Variants in FHIT observed in about 807,000 individuals in gnomAD.
The protein encoded by FHIT is fragile histidine triad diadenosine triphosphatase.
FHIT carries 19 observed loss-of-function variants against 17.9 expected under a neutral mutation model. The observed-to-expected ratio is 1.06, with a 90% confidence interval of 0.74 to 1.56. The LOEUF (loss-of-function observed/expected upper bound fraction) is 1.56. Ranked by LOEUF, FHIT falls within the 40% of genes most tolerant of loss-of-function variation. The pLI is 0.00. For synonymous variants in FHIT, 81 were observed against 69.7 expected, an observed-to-expected ratio of 1.16 and a Z score of -0.81; for missense variants, 248 against 189.2, an observed-to-expected ratio of 1.31 and a Z score of -1.82.
chr3:60,077,811 C>A (rs1703099298), intron 5 of FHIT, among the ~76,000 whole-genome samples: 1 of 150,406 alleles, frequency 6.6e-6, no homozygotes, highest in South Asian at 2.1e-4. Flanking sequence ...ATGATGACTA[C>A]AGTCAATAAA....
chr3:59,906,647 T>C (rs1052286035), intron 8 of FHIT, among the ~76,000 whole-genome samples: 2 of 152,244 alleles, frequency 1.3e-5, no homozygotes, highest in African/African-American at 4.8e-5. Flanking sequence ...ATTGTTTTCG[T>C]ATCTGATTAA....
intron 4 of FHIT, among the ~76,000 whole-genome samples, chr3:60,608,726 C>G (rs1174968215): frequency 1.3e-5 from 2 of 151,800 alleles, no homozygotes; most frequent in Admixed American, 6.6e-5. Context: ...ATAATAAATA[C>G]AAAAGAAAAA....
At chr3:60,025,337 T>A (rs1196812729) in intron 5 of FHIT, among the ~76,000 whole-genome samples, 1 of 152,182 alleles carries the variant, frequency 6.6e-6, no homozygotes, top group African/African-American at 2.4e-5. Flanking sequence ...AATTCTTAAA[T>A]AGTCTCCTGA....
chr3:60,534,382 G>A (rs920245103), intron 5 of FHIT, among the ~76,000 whole-genome samples: 1 of 136,964 alleles, frequency 7.3e-6, no homozygotes, highest in Non-Finnish European at 1.5e-5. Flanking sequence ...GCAGTGAGCC[G>A]AGATTGCGCC....
chr3:60,582,947 G>C lies in FHIT; in HGVS notation c.-17-45968C>G, dbSNP rs1371450131. The stretch of plus-strand genomic sequence containing the variant: ...CATATCAAAAAAGTAGCTGAGCTAG[G>C]ACTTGAACCCTATCTGCCTGACTTC... On this transcript the variant is annotated intron_variant, in intron 4 of 9. Coordinates refer to ENST00000492590, the MANE Select transcript of FHIT (RefSeq NM_002012.4). Among the ~76,000 whole-genome samples the C allele has an allele frequency of 4.6e-5, 7 of 151,880 alleles. No individual in the cohort carries two copies. The East Asian group carries it at 1.4e-3, about 30-fold the overall frequency.
chr3:59,988,409 T>A (rs1202783928), intron 7 of FHIT, among the ~76,000 whole-genome samples: 3 of 152,124 alleles, frequency 2.0e-5, no homozygotes, highest in African/African-American at 7.2e-5. Context: ...CATGATCGAA[T>A]AAAGCAAAAT....
At chr3:60,050,465 T>C (rs1283670188) in intron 5 of FHIT, among the ~76,000 whole-genome samples, 1 of 152,162 alleles carries the variant, frequency 6.6e-6, no homozygotes, top group Non-Finnish European at 1.5e-5. Context: ...GTTGCCAACA[T>C]CCTAGGCTTA....
chr3:60,248,712 G>A (rs1160721168), intron 5 of FHIT, among the ~76,000 whole-genome samples: 1 of 152,098 alleles, frequency 6.6e-6, no homozygotes, highest in Non-Finnish European at 1.5e-5. Context: ...AAGGGTGGCA[G>A]AATATGCCAC....
At chr3:60,047,515 G>A (rs1701701542) in intron 5 of FHIT, among the ~76,000 whole-genome samples, 1 of 152,184 alleles carries the variant, frequency 6.6e-6, no homozygotes, top group Non-Finnish European at 1.5e-5. Flanking sequence ...CCAGACAACA[G>A]TCTTTAACGT....
chr3:60,299,191 A>ATTATTT (rs1708343404), intron 5 of FHIT, among the ~76,000 whole-genome samples: 1 of 152,066 alleles, frequency 6.6e-6, no homozygotes, highest in African/African-American at 2.4e-5. Flanking sequence ...GTATTCTTTG[A>ATTATTT]ACCTCATTAT....
chr3:60,309,926 G>A (rs914240579), intron 5 of FHIT, among the ~76,000 whole-genome samples: 11 of 152,004 alleles, frequency 7.2e-5, no homozygotes, highest in African/African-American at 1.2e-4. Context: ...TTAATCACAC[G>A]TGCTTTCAGT....
intron 4 of FHIT, among the ~76,000 whole-genome samples, chr3:60,653,831 G>T (rs782330947): frequency 6.6e-6 from 1 of 152,138 alleles, no homozygotes; most frequent in Non-Finnish European, 1.5e-5. Context: ...TTCTAAACCT[G>T]CAAGCATGCA....
At chr3:60,438,822 A>G (rs2030529121) in intron 5 of FHIT, among the ~76,000 whole-genome samples, 2 of 152,140 alleles carry the variant, frequency 1.3e-5, no homozygotes, top group South Asian at 2.1e-4. Flanking sequence ...CGTGGTACCC[A>G]GAACACCAAA....
chr3:60,949,192 G>A (rs975400044), intron 3 of FHIT, among the ~76,000 whole-genome samples: 1 of 152,138 alleles, frequency 6.6e-6, no homozygotes, highest in Non-Finnish European at 1.5e-5. Flanking sequence ...AGCGAAGGAA[G>A]GGGTCAGTAA....
rs185142922 is a variant in FHIT, at chr3:59,765,382, G to C, written c.349-13061C>G. 3.9e-4 allele frequency among the ~76,000 whole-genome samples: 59 copies of C among 152,296 alleles called. 1 individual carries two copies. Among genetic ancestry groups the C allele is most frequent in the African/African-American group, 1.4e-3 (57 of 41,566 alleles). The stretch of plus-strand genomic sequence containing the variant: ...AAAACTTTCTAGCCCAAACATCCAT[G>C]TGACATTTGTATCCCTTTGGCCATA... On this transcript the variant is annotated intron_variant, in intron 8 of 9. Coordinates refer to ENST00000492590, the MANE Select transcript of FHIT (RefSeq NM_002012.4).
At chr3:60,144,408 T>TTG (rs1700155105) in intron 5 of FHIT, among the ~76,000 whole-genome samples, 1 of 152,162 alleles carries the variant, frequency 6.6e-6, no homozygotes, top group South Asian at 2.1e-4. Context: ...CCAACCAACT[T>TTG]TGCCTTTTGC....
rs532257998 is a variant in FHIT, at chr3:60,356,111, C to T, written c.103+180749G>A. 5.3e-4 allele frequency among the ~76,000 whole-genome samples: 81 copies of T among 152,220 alleles called. 1 individual carries two copies. The highest frequency in any genetic ancestry group is 1.8e-3 in the African/African-American group (75 of 41,550). ...ATTATTAGAAACTAAAATACATAAT[C>T]ATGAAATAATTTTATGTTACATTTA... is the stretch of plus-strand genomic sequence containing the variant. On this transcript the variant is annotated intron_variant, in intron 5 of 9. Coordinates refer to ENST00000492590, the MANE Select transcript of FHIT (RefSeq NM_002012.4).
chr3:61,181,440 A>G (rs1410046587), intron 2 of FHIT, among the ~76,000 whole-genome samples: 2 of 152,206 alleles, frequency 1.3e-5, no homozygotes, highest in Non-Finnish European at 2.9e-5. Context: ...TCCTTCTGGT[A>G]CTTGAAGGAA....
chr3:60,005,275 T>A (rs1029498527), intron 7 of FHIT, among the ~76,000 whole-genome samples: 3 of 151,942 alleles, frequency 2.0e-5, no homozygotes, highest in Admixed American at 2.0e-4. Context: ...CCAAATGGTA[T>A]CATGCAAATC....
Sources: allele counts gnomAD v4.1 joint callset (sites outside exome capture counted in the v4.1 genomes callset), GRCh38; gene constraint gnomAD v4.1.1; transcripts MANE v1.5; gene names NCBI Gene and HGNC (gene_info 2026-07-23, HGNC 2026-07-21).